The following MMP26 variants were observed in gnomAD, a reference collection of about 807,000 sequenced individuals.
The protein encoded by MMP26 is matrix metalloproteinase-26.
MMP26 carries 33 observed loss-of-function variants against 31.0 expected under a neutral mutation model. The ratio of observed to expected loss-of-function variants is 1.06; its 90% CI spans 0.81 to 1.42. MMP26 has a LOEUF of 1.42. Among genes scored for constraint, MMP26 ranks in the 40% most tolerant of loss-of-function variants. MMP26 has a pLI of 0.00. For synonymous variants in MMP26, 122 were observed against 114.9 expected (o/e 1.06, Z -0.40); for missense variants, 347 against 316.1 (o/e 1.10, Z -0.74).
chr11:4,917,898 T>C (rs948029980), intron 2 of MMP26, among the ~76,000 whole-genome samples: 2 of 151,954 alleles, frequency 1.3e-5, no homozygotes, highest in African/African-American at 2.4e-5. Context: ...TACTCTTCAG[T>C]AATTCTATTT....
At chr11:4,945,885 A>T (rs1310698243) in intron 2 of MMP26, 1 of 433,386 alleles carries the variant, frequency 2.3e-6, no homozygotes, top group East Asian at 4.5e-5. Flanking sequence ...TGTAAAAATT[A>T]TCATTTTTCT....
chr11:4,971,474 A>G (rs1056668776), intron 2 of MMP26, among the ~76,000 whole-genome samples: 10 of 152,208 alleles, frequency 6.6e-5, no homozygotes, highest in Non-Finnish European at 1.5e-5. Context: ...AAACTTTATT[A>G]ACAGAGAGTA....
Position 4,806,730 on chromosome 11 carries a change from C to A in MMP26, c.-145+39389C>A, listed in dbSNP as rs570762659. Among the ~76,000 whole-genome samples the A allele has an allele frequency of 7.2e-5, 11 of 152,268 alleles. No homozygotes were observed. In the South Asian group the frequency reaches 1.4e-3, roughly 20 times the overall value. On this transcript the variant is annotated intron_variant, in intron 2 of 7. Coordinates refer to ENST00000380390, the MANE Select transcript of MMP26 (RefSeq NM_021801.5). The stretch of plus-strand genomic sequence containing the variant: ...TATAAGTCTAGATTTAAACTGGAAT[C>A]TTGACCATCCTGCCAGAGAATAAGA...
chr11:4,736,039 A>T (rs1005219022), intron 1 of MMP26: 5 of 152,150 alleles, frequency 3.3e-5, no homozygotes, highest in Admixed American at 2.6e-4. Context: ...TGCATCCCCT[A>T]TGCAACCTTC....
At chr11:4,859,677 A>T (rs930707690) in intron 2 of MMP26, 9 of 470,362 alleles carry the variant, frequency 1.9e-5, no homozygotes, top group Middle Eastern at 3.2e-4. Flanking sequence ...TGGTCTTCAC[A>T]CTGTAGACAA....
At chr11:4,968,050 A>C (rs1846619527) in intron 2 of MMP26, among the ~76,000 whole-genome samples, 1 of 152,088 alleles carries the variant, frequency 6.6e-6, no homozygotes, top group Non-Finnish European at 1.5e-5. Flanking sequence ...GCTTGGTTTT[A>C]TGTTAGCAGT....
intron 2 of MMP26, among the ~76,000 whole-genome samples, chr11:4,927,716 C>CT (rs1234316810): frequency 6.6e-6 from 1 of 152,126 alleles, no homozygotes; most frequent in Non-Finnish European, 1.5e-5. Flanking sequence ...AGCTACAAGA[C>CT]TATTCCGTTT....
chr11:4,951,110 T>G (rs1846368333), intron 2 of MMP26, among the ~76,000 whole-genome samples: 1 of 124,856 alleles, frequency 8.0e-6, no homozygotes, highest in South Asian at 2.4e-4. Context: ...TGAAAAAGAC[T>G]CTAATATTCA....
At chr11:4,792,825 G>T (rs758783399) in intron 2 of MMP26, among the ~76,000 whole-genome samples, 20 of 152,146 alleles carry the variant, frequency 1.3e-4, no homozygotes, top group Non-Finnish European at 2.1e-4. Flanking sequence ...AAGGAGCGGG[G>T]ATTATATGTG....
At chr11:4,720,513 A>G (rs1205426763) in intron 1 of MMP26, among the ~76,000 whole-genome samples, 6 of 152,254 alleles carry the variant, frequency 3.9e-5, no homozygotes, top group Non-Finnish European at 8.8e-5. Context: ...CATTTAGTAC[A>G]AAGAACTGGA....
At chr11:4,934,280 A>T (rs1320428403) in intron 2 of MMP26, among the ~76,000 whole-genome samples, 1 of 150,364 alleles carries the variant, frequency 6.7e-6, no homozygotes, top group Admixed American at 6.6e-5. Flanking sequence ...CTGGTGTGAG[A>T]TGGTATCTCA....
chr11:4,966,751 A>G (rs1385578807), intron 2 of MMP26, among the ~76,000 whole-genome samples: 1 of 152,200 alleles, frequency 6.6e-6, no homozygotes, highest in Non-Finnish European at 1.5e-5. Context: ...TTGTTCATTA[A>G]GGACAAGCTA....
rs924969643 is a variant in MMP26 at position 4,952,061 on chromosome 11, G to A, written c.-144-36007G>A. Among the ~76,000 whole-genome samples the A allele has an allele frequency of 2.4e-5, 3 of 124,154 alleles. 1 individual carries two copies. Among genetic ancestry groups the A allele is most frequent in the East Asian group, 4.6e-4 (2 of 4,340 alleles). The allele number at this position is 124,154 out of a possible 152,430, so 81.4% of individuals were successfully genotyped here. ...TGATATTTTACCTCAGAATGTTTAC[G>A]TTTCTTTAAGATAATATTGGGTTTG... On this transcript the variant is annotated intron_variant, in intron 2 of 7. Transcript: ENST00000380390.
At chr11:4,958,758 T>A (rs1382787546) in intron 2 of MMP26, among the ~76,000 whole-genome samples, 1 of 152,222 alleles carries the variant, frequency 6.6e-6, no homozygotes, top group Non-Finnish European at 1.5e-5. Flanking sequence ...TTGAATTGTT[T>A]TCCTTGAATT....
intron 2 of MMP26, among the ~76,000 whole-genome samples, chr11:4,871,542 A>T (rs1850310609): frequency 6.6e-6 from 1 of 152,108 alleles, no homozygotes; most frequent in Non-Finnish European, 1.5e-5. Flanking sequence ...TGGGAATAAG[A>T]CAAAGTAGAC....
intron 2 of MMP26, chr11:4,859,550 TTAAA>T (rs536666719): frequency 2.7e-6 from 1 of 369,400 alleles, no homozygotes; most frequent in South Asian, 2.1e-5. Flanking sequence ...CTGTGGAAAA[TTAAA>T]TAATTAATTC....
At chr11:4,739,327 A>T (rs895119332) in intron 1 of MMP26, among the ~76,000 whole-genome samples, 1 of 152,066 alleles carries the variant, frequency 6.6e-6, no homozygotes, top group Admixed American at 6.5e-5. Context: ...CATGCAGGTG[A>T]GGTCCTAGGT....
chr11:4,855,626 G>T (rs1480737546), intron 2 of MMP26, among the ~76,000 whole-genome samples: 1 of 152,166 alleles, frequency 6.6e-6, no homozygotes, highest in Non-Finnish European at 1.5e-5. Flanking sequence ...AGGGAGAATG[G>T]AATGAAGTTA....
Position 4,720,222 on chromosome 11 carries a change from A to G in MMP26, c.-217+15177A>G, listed in dbSNP as rs1411853759. On this transcript the variant is annotated intron_variant, in intron 1 of 7. Coordinates refer to ENST00000380390, the MANE Select transcript of MMP26 (RefSeq NM_021801.5). ...GAGCATAAGCATTCTGTGAAATACA[A>G]CTATGCTTAATTCAACTCCAATCTG... 3.3e-5 allele frequency among the ~76,000 whole-genome samples: 5 copies of G among 152,258 alleles called. No homozygotes were observed. The South Asian group carries it at 1.0e-3, about 31-fold the overall frequency.
Sources: gnomAD v4.1 joint callset for allele counts (sites outside exome capture counted in the v4.1 genomes callset) on GRCh38, gnomAD v4.1.1 for gene constraint, MANE v1.5 for transcripts, NCBI Gene and HGNC (gene_info 2026-07-23, HGNC 2026-07-21) for gene names.